RUNX1: variants seen among roughly 807,000 people sequenced by gnomAD.
The protein encoded by RUNX1 is runt-related transcription factor 1.
A neutral mutation model predicts 42.8 loss-of-function variants in RUNX1; 19 were observed. That is an observed-to-expected ratio of 0.44 (90% confidence interval 0.31 to 0.65). The LOEUF (loss-of-function observed/expected upper bound fraction) is 0.65, where lower values mean the gene tolerates loss of function less well. Ranked by LOEUF, RUNX1 falls within the 30% of genes least tolerant of loss-of-function variation. RUNX1 has a pLI of 0.07. For synonymous variants in RUNX1, 271 were observed against 289.4 expected (o/e 0.94, Z 0.64); for missense variants, 528 against 672.0 (o/e 0.79, Z 2.37).
chr21:34,888,306 G>T (rs958687994), intron 3 of RUNX1: 1 of 1,067,522 alleles, frequency 9.4e-7, no homozygotes, highest in African/African-American at 1.6e-5. Context: ...CAGATCGGGC[G>T]GCTCGGGTTA....
chr21:34,905,885 GA>G (rs1303411495), intron 2 of RUNX1, among the ~76,000 whole-genome samples: 2 of 151,996 alleles, frequency 1.3e-5, no homozygotes, highest in Admixed American at 6.6e-5. Context: ...AACTTCTCTA[GA>G]AAAAAAGCAT....
intron 2 of RUNX1, chr21:35,038,780 T>A (rs1307185019): frequency 2.2e-6 from 1 of 455,768 alleles, no homozygotes; most frequent in East Asian, 7.0e-5. Flanking sequence ...TATACAAAGA[T>A]CTCCCACTTC....
chr21:34,869,816 C>T (rs2057712968), intron 5 of RUNX1, among the ~76,000 whole-genome samples: 1 of 152,184 alleles, frequency 6.6e-6, no homozygotes, highest in African/African-American at 2.4e-5. Flanking sequence ...TGCCAGGTGC[C>T]AGCCTGTGTA....
rs555316951 is a variant in RUNX1 at position 34,954,772 on chromosome 21, C to T, written c.59-61809G>A. ...AGCAGCCTGGGACCCTGAATCACTG[C>T]GTGGAAGAGATTCTCGCAGAGGAGA... is the stretch of plus-strand genomic sequence containing the variant. On this transcript the variant is annotated intron_variant, in intron 2 of 8. Transcript: ENST00000675419. Among the ~76,000 whole-genome samples, 4 of 152,198 alleles carry T rather than the reference C, an allele frequency of 2.6e-5. No individual in the cohort carries two copies. In the South Asian group the frequency reaches 6.2e-4, roughly 24 times the overall value.
intron 6 of RUNX1, among the ~76,000 whole-genome samples, chr21:34,853,389 C>A (rs2057452206): frequency 6.6e-6 from 1 of 152,186 alleles, no homozygotes; most frequent in South Asian, 2.1e-4. Context: ...TGACCCAGAA[C>A]TTTACTGATA....
chr21:34,902,540 C>A (rs1601551529), intron 2 of RUNX1, among the ~76,000 whole-genome samples: 1 of 152,178 alleles, frequency 6.6e-6, no homozygotes, highest in East Asian at 1.9e-4. Flanking sequence ...GATTCACACA[C>A]ACAAATATAT....
chr21:34,993,022 A>T (rs565675600), intron 2 of RUNX1, among the ~76,000 whole-genome samples: 1 of 152,370 alleles, frequency 6.6e-6, no homozygotes, highest in South Asian at 2.1e-4. Flanking sequence ...CCCTGAAAGG[A>T]CCACTCTCTT....
chr21:34,930,217 G>GTA (rs1194433231), intron 2 of RUNX1, among the ~76,000 whole-genome samples: 11 of 132,072 alleles, frequency 8.3e-5, no homozygotes, highest in Admixed American at 8.3e-4. Context: ...ATATATACAT[G>GTA]TATATATATT....
chr21:34,811,372 C>T (rs563125785), intron 7 of RUNX1, among the ~76,000 whole-genome samples: 6 of 152,342 alleles, frequency 3.9e-5, no homozygotes, highest in African/African-American at 1.2e-4. Context: ...CTTTTCCTAC[C>T]TGCATCCTCT....
chr21:34,903,685 T>C (rs1482399821), intron 2 of RUNX1, among the ~76,000 whole-genome samples: 1 of 152,190 alleles, frequency 6.6e-6, no homozygotes, highest in African/African-American at 2.4e-5. Flanking sequence ...ATATCAGCCT[T>C]AGAGTATTCT....
intron 7 of RUNX1, among the ~76,000 whole-genome samples, chr21:34,814,639 A>G (rs2056800920): frequency 6.6e-6 from 1 of 152,166 alleles, no homozygotes; most frequent in African/African-American, 2.4e-5. Context: ...ACAGCAATGA[A>G]ATGCAATTAC....
chr21:34,946,021 G>T (rs2058561013), intron 2 of RUNX1, among the ~76,000 whole-genome samples: 1 of 152,152 alleles, frequency 6.6e-6, no homozygotes, highest in Non-Finnish European at 1.5e-5. Context: ...TTCTCCTAGA[G>T]GGTTCTCCCT....
rs533178959 is a variant in RUNX1, at chr21:34,821,986, T to G, written c.805+12424A>C. ...ACGGCTTCTCTCATTTAGGAACATA[T>G]GGTGGCTCAGAGCCTCTCACACAGC... On this transcript the variant is annotated intron_variant, in intron 7 of 8. Transcript: ENST00000675419. 2.6e-5 allele frequency among the ~76,000 whole-genome samples: 4 copies of G among 152,330 alleles called. No individual in the cohort carries two copies. The South Asian group carries it at 8.3e-4, about 32-fold the overall frequency.
chr21:34,869,251 TAAGTA>T (rs938626752), intron 5 of RUNX1, among the ~76,000 whole-genome samples: 1 of 152,174 alleles, frequency 6.6e-6, no homozygotes, highest in African/African-American at 2.4e-5. Context: ...CTCTTCTTCC[TAAGTA>T]TAGTTACATA....
At chr21:34,917,810 A>G (rs2058322870) in intron 2 of RUNX1, among the ~76,000 whole-genome samples, 1 of 152,154 alleles carries the variant, frequency 6.6e-6, no homozygotes, top group Non-Finnish European at 1.5e-5. Context: ...CTAAACGCAT[A>G]AACAGAAGAA....
At chr21:34,940,197 T>C (rs996469842) in intron 2 of RUNX1, among the ~76,000 whole-genome samples, 2 of 152,140 alleles carry the variant, frequency 1.3e-5, no homozygotes, top group African/African-American at 4.8e-5. Flanking sequence ...TCTTGTGGAA[T>C]GGAAGCTGTC....
intron 2 of RUNX1, among the ~76,000 whole-genome samples, chr21:34,945,248 G>T (rs1183220210): frequency 2.6e-5 from 4 of 152,108 alleles, no homozygotes; most frequent in African/African-American, 2.4e-5. Flanking sequence ...ACAGCCAAAG[G>T]CATCCTAGAA....
chr21:34,993,879 G>A (rs768535437), intron 2 of RUNX1, among the ~76,000 whole-genome samples: 2 of 152,098 alleles, frequency 1.3e-5, no homozygotes, highest in Non-Finnish European at 2.9e-5. Context: ...AATGTGACAT[G>A]AATGACCTGG....
At chr21:35,046,004 G>A (rs1245941713) in intron 2 of RUNX1, among the ~76,000 whole-genome samples, 3 of 152,158 alleles carry the variant, frequency 2.0e-5, no homozygotes, top group African/African-American at 7.2e-5. Context: ...GCAAAAATAT[G>A]TACGTGCCGA....
Sources: allele counts gnomAD v4.1 joint callset (sites outside exome capture counted in the v4.1 genomes callset), GRCh38; gene constraint gnomAD v4.1.1; transcripts MANE v1.5; gene names NCBI Gene and HGNC (gene_info 2026-07-23, HGNC 2026-07-21).